The following CTNNA2 variants were observed in gnomAD, a reference collection of about 807,000 sequenced individuals.
CTNNA2 encodes the protein catenin alpha 2.
A neutral mutation model predicts 101.0 loss-of-function variants in CTNNA2; 42 were observed. The observed-to-expected ratio is 0.42, with a 90% CI of 0.32 to 0.54. The LOEUF (loss-of-function observed/expected upper bound fraction) is 0.54. CTNNA2 is among the 20% of genes least tolerant of loss of function. The pLI is 0.14. For missense variants in CTNNA2, 871 were observed against 1,223.1 expected, an observed-to-expected ratio of 0.71 and a Z score of 4.29; for synonymous variants, 450 against 456.4, an observed-to-expected ratio of 0.99 and a Z score of 0.18.
At chr2:79,865,100 T>A (rs1243907529) in intron 4 of CTNNA2, among the ~76,000 whole-genome samples, 2 of 152,208 alleles carry the variant, frequency 1.3e-5, no homozygotes, top group African/African-American at 2.4e-5. Context: ...CACATTTGTA[T>A]AACACACATT....
At chr2:79,583,761 G>A (rs1390003871) in intron 1 of CTNNA2, among the ~76,000 whole-genome samples, 1 of 152,032 alleles carries the variant, frequency 6.6e-6, no homozygotes, top group African/African-American at 2.4e-5. Context: ...AGTTTAATTT[G>A]CATTTCCTAA....
intron 9 of CTNNA2, among the ~76,000 whole-genome samples, chr2:80,499,390 A>T (rs1019206814): frequency 4.6e-5 from 7 of 151,816 alleles, no homozygotes; most frequent in African/African-American, 1.7e-4. Context: ...AAATGTTCAT[A>T]TTTTCATGGG....
chr2:79,773,993 T>TC (rs1558917780), intron 3 of CTNNA2, among the ~76,000 whole-genome samples: 1 of 152,134 alleles, frequency 6.6e-6, no homozygotes, highest in East Asian at 1.9e-4. Context: ...TGCTACACCT[T>TC]CCCCCATGAT....
intron 4 of CTNNA2, among the ~76,000 whole-genome samples, chr2:79,403,402 A>G (rs1305420766): frequency 6.6e-6 from 1 of 151,920 alleles, no homozygotes; most frequent in African/African-American, 2.4e-5. Flanking sequence ...TTGAATTTAA[A>G]TCAATTACAT....
At chr2:79,679,493 G>A (rs1416046777) in intron 2 of CTNNA2, among the ~76,000 whole-genome samples, 1 of 151,894 alleles carries the variant, frequency 6.6e-6, no homozygotes, top group Non-Finnish European at 1.5e-5. Flanking sequence ...AAGACTTCCT[G>A]CTCTGGAGTC....
chr2:79,864,823 A>C (rs1267978489), intron 4 of CTNNA2, among the ~76,000 whole-genome samples: 1 of 152,128 alleles, frequency 6.6e-6, no homozygotes, highest in African/African-American at 2.4e-5. Flanking sequence ...TCCTACACTT[A>C]CTTGCTGTGA....
intron 7 of CTNNA2, among the ~76,000 whole-genome samples, chr2:80,285,157 T>C (rs1489444679): frequency 6.6e-6 from 1 of 152,114 alleles, no homozygotes; most frequent in African/African-American, 2.4e-5. Flanking sequence ...AACCAGACCA[T>C]GATGATTTTA....
At chr2:79,886,815 G>GACCATGCCA (rs1683915766) in intron 6 of CTNNA2, among the ~76,000 whole-genome samples, 1 of 139,900 alleles carries the variant, frequency 7.1e-6, no homozygotes, top group Non-Finnish European at 1.5e-5. Flanking sequence ...GGTTTTTGTT[G>GACCATGCCA]TTGTCGTTGT....
chr2:79,722,535 T>A (rs1260191794), intron 2 of CTNNA2, among the ~76,000 whole-genome samples: 1 of 152,192 alleles, frequency 6.6e-6, no homozygotes, highest in African/African-American at 2.4e-5. Flanking sequence ...ATATCGGAGA[T>A]TATCTAACCC....
intron 3 of CTNNA2, among the ~76,000 whole-genome samples, chr2:79,761,505 G>A (rs920881089): frequency 2.6e-5 from 4 of 152,116 alleles, no homozygotes; most frequent in Non-Finnish European, 4.4e-5. Flanking sequence ...GCTCAAGAAC[G>A]TTTGTCTTTT....
chr2:79,512,937 G>T (rs1448838747), upstream of CTNNA2: 1 of 150,178 alleles, frequency 6.7e-6, no homozygotes, highest in Non-Finnish European at 1.5e-5. Context: ...GCCTCCCCTA[G>T]CGGCGATCCG....
intron 7 of CTNNA2, among the ~76,000 whole-genome samples, chr2:80,208,518 T>C (rs868556732): frequency 1.3e-5 from 2 of 152,158 alleles, no homozygotes; most frequent in Non-Finnish European, 2.9e-5. Flanking sequence ...GAACAATAGC[T>C]TGCATGAAAG....
At chr2:79,802,308 A>T (rs1676227681) in intron 3 of CTNNA2, among the ~76,000 whole-genome samples, 1 of 152,238 alleles carries the variant, frequency 6.6e-6, no homozygotes, top group Admixed American at 6.5e-5. Flanking sequence ...CACCAGTTAT[A>T]TCCTCCTACA....
intron 18 of CTNNA2, among the ~76,000 whole-genome samples, chr2:80,631,880 T>TTTGTTGTTG (rs138584047): frequency 5.3e-5 from 8 of 152,188 alleles, no homozygotes; most frequent in African/African-American, 1.9e-4. Context: ...TGTAGTACTT[T>TTTGTTGTTG]TTGTTGTTGT....
chr2:79,529,341 G>A (rs751535180), intron 1 of CTNNA2, among the ~76,000 whole-genome samples: 4 of 152,160 alleles, frequency 2.6e-5, no homozygotes, highest in East Asian at 1.9e-4. Context: ...CTTCTTGTGC[G>A]AAACATAATT....
chr2:80,027,556 C>T (rs1695010552), intron 7 of CTNNA2, among the ~76,000 whole-genome samples: 1 of 152,174 alleles, frequency 6.6e-6, no homozygotes, highest in African/African-American at 2.4e-5. Flanking sequence ...CCAATTTTAC[C>T]AGCTCCGGCA....
chr2:80,114,820 C>A (rs1701427652), intron 7 of CTNNA2, among the ~76,000 whole-genome samples: 1 of 152,166 alleles, frequency 6.6e-6, no homozygotes, highest in African/African-American at 2.4e-5. Context: ...GATATCCTCA[C>A]AAACGGCCTG....
At chr2:79,384,377 T>C (rs931502102) in intron 4 of CTNNA2, among the ~76,000 whole-genome samples, 4 of 404 alleles carry the variant, frequency 9.9e-3, no homozygotes, top group East Asian at 0.062. Flanking sequence ...GCATATTTCT[T>C]CTCTCTCTCT....
chr2:79,628,433 A>G (rs1322590717), intron 1 of CTNNA2, among the ~76,000 whole-genome samples: 2 of 151,708 alleles, frequency 1.3e-5, no homozygotes. Flanking sequence ...AGCCTGGGCA[A>G]CAGAATGAGA....
Sources: allele counts gnomAD v4.1 joint callset (sites outside exome capture counted in the v4.1 genomes callset), GRCh38; gene constraint gnomAD v4.1.1; transcripts MANE v1.5; gene names NCBI Gene and HGNC (gene_info 2026-07-23, HGNC 2026-07-21).